The following SMURF2 variants were observed in gnomAD, a reference collection of about 807,000 sequenced individuals.
SMURF2 encodes SMAD specific E3 ubiquitin protein ligase 2.
A neutral mutation model predicts 109.6 loss-of-function variants in SMURF2; 48 were observed. That is an observed-to-expected ratio of 0.44 (90% CI 0.35 to 0.56). The LOEUF is 0.56. Ranked by LOEUF, SMURF2 falls within the 20% of genes least tolerant of loss-of-function variation. The pLI is 0.01. For synonymous variants in SMURF2, 288 were observed against 317.1 expected, an observed-to-expected ratio of 0.91 and a Z score of 0.97; for missense variants, 575 against 909.0, an observed-to-expected ratio of 0.63 and a Z score of 4.72.
chr17:64,581,081 C>T lies in SMURF2; in HGVS notation c.570-90G>A. On this transcript the variant is annotated intron_variant, in intron 7 of 18. Transcript: ENST00000262435. This position sits in a 1 kb window ranked among gnomAD's most constrained non-coding sequence, Gnocchi z 4.3. ...AATATATATATACTGCAGTAACAACCACTTATCATGTCTGAAAACAGAATG... is the reference window on the plus strand; with the variant it reads ...AATATATATATACTGCAGTAACAACTACTTATCATGTCTGAAAACAGAATG... 1 of 1,119,890 alleles carries T rather than the reference C, an allele frequency of 8.9e-7. No homozygotes were observed. 69.4% of individuals were successfully genotyped at this position (1,119,890 alleles called of 1,614,324 possible).
intron 2 of SMURF2, among the ~76,000 whole-genome samples, chr17:64,606,288 T>C (rs1969969387): frequency 6.6e-6 from 1 of 152,196 alleles, no homozygotes; most frequent in East Asian, 1.9e-4. Flanking sequence ...AATAATCTCT[T>C]AAACCTTTTC....
intron 3 of SMURF2, among the ~76,000 whole-genome samples, chr17:64,594,943 T>C (rs1193627132): frequency 2.0e-5 from 3 of 151,994 alleles, no homozygotes; most frequent in African/African-American, 4.8e-5. Context: ...TGAGCCTAGA[T>C]TGCGTCACTG....
chr17:64,633,556 A>G (rs1205774284), intron 1 of SMURF2, among the ~76,000 whole-genome samples: 1 of 152,224 alleles, frequency 6.6e-6, no homozygotes, highest in African/African-American at 2.4e-5. Flanking sequence ...TAACCATTAA[A>G]TATGTCATAT....
rs1198797941 is a variant in SMURF2, at chr17:64,581,873, A to AGGCAGAGGTTGCAGTG, written c.570-898_570-883dup. ...GGTACGAGAATTGCTTGAATCCAGG[A>AGGCAGAGGTTGCAGTG]GGCAGAGGTTGCAGTGGGCAGAGGT... On this transcript the variant is annotated intron_variant, in intron 7 of 18. Transcript: ENST00000262435. The surrounding 1 kb of genome is among the most constrained non-coding windows in gnomAD (Gnocchi z 4.3). Among the ~76,000 whole-genome samples, 2 of 151,732 alleles carry AGGCAGAGGTTGCAGTG rather than the reference A, an allele frequency of 1.3e-5. No homozygotes were observed. Among genetic ancestry groups the AGGCAGAGGTTGCAGTG allele is most frequent in the African/African-American group, 4.8e-5 (2 of 41,268 alleles).
chr17:64,589,851 C>T (rs1322603432), intron 5 of SMURF2, among the ~76,000 whole-genome samples: 3 of 151,994 alleles, frequency 2.0e-5, no homozygotes, highest in African/African-American at 7.3e-5. Context: ...CTTGAATCAT[C>T]CTGAAACCAC....
intron 2 of SMURF2, among the ~76,000 whole-genome samples, chr17:64,599,805 G>T (rs1464762127): frequency 1.3e-5 from 2 of 152,166 alleles, no homozygotes; most frequent in Non-Finnish European, 1.5e-5. Flanking sequence ...GAAGGTTGGG[G>T]GCTGCTGCTT....
intron 1 of SMURF2, among the ~76,000 whole-genome samples, chr17:64,650,716 G>C (rs1445576217): frequency 6.6e-6 from 1 of 152,080 alleles, no homozygotes; most frequent in Non-Finnish European, 1.5e-5. Context: ...TGTAATCCCA[G>C]CTACTGGGGA....
intron 1 of SMURF2, among the ~76,000 whole-genome samples, chr17:64,648,927 T>TA (rs1267736950): frequency 6.6e-6 from 1 of 152,150 alleles, no homozygotes; most frequent in East Asian, 1.9e-4. Flanking sequence ...AGTTCAACTG[T>TA]AAAAAATCTC....
chr17:64,556,060 G>A (rs540152308), intron 13 of SMURF2, 62 bp from the exon 14 acceptor site: 8 of 1,240,716 alleles, frequency 6.4e-6, no homozygotes, highest in Non-Finnish European at 9.0e-6. Flanking sequence ...TAATAAAAAT[G>A]AAATATTTCA....
At chr17:64,627,264 G>A (rs1555691248) in intron 1 of SMURF2, among the ~76,000 whole-genome samples, 2 of 151,962 alleles carry the variant, frequency 1.3e-5, no homozygotes, top group African/African-American at 4.8e-5. Context: ...ACAGGCATGT[G>A]CCACCACGCC....
intron 1 of SMURF2, among the ~76,000 whole-genome samples, chr17:64,621,899 A>T (rs1165703635): frequency 7.1e-6 from 1 of 141,110 alleles, no homozygotes; most frequent in Non-Finnish European, 1.5e-5. Context: ...ATAAATAAAT[A>T]AATAAATAAT....
intron 1 of SMURF2, among the ~76,000 whole-genome samples, chr17:64,658,217 C>CGTG (rs1490434387): frequency 2.6e-5 from 4 of 151,996 alleles, no homozygotes; most frequent in African/African-American, 9.7e-5. Context: ...ACCAGCCAGG[C>CGTG]GTGGTGGTGG....
chr17:64,625,879 C>T (rs1598302288), intron 1 of SMURF2, among the ~76,000 whole-genome samples: 1 of 152,080 alleles, frequency 6.6e-6, no homozygotes, highest in Non-Finnish European at 1.5e-5. Flanking sequence ...TTAAGAAAAA[C>T]TATGTACTTA....
intron 10 of SMURF2, among the ~76,000 whole-genome samples, chr17:64,566,402 T>C (rs981120786): frequency 2.0e-5 from 3 of 151,746 alleles, no homozygotes; most frequent in Admixed American, 2.0e-4. Context: ...AATTTTTATA[T>C]ATTTTATGTA....
chr17:64,648,072 A>C (rs1970584161), intron 1 of SMURF2, among the ~76,000 whole-genome samples: 1 of 146,966 alleles, frequency 6.8e-6, no homozygotes, highest in Non-Finnish European at 1.5e-5. Flanking sequence ...AAAAAAAAAA[A>C]AAAAAAAAAA....
At chr17:64,610,428 TA>T (rs1415763353) in intron 1 of SMURF2, among the ~76,000 whole-genome samples, 9 of 152,052 alleles carry the variant, frequency 5.9e-5, no homozygotes, top group Non-Finnish European at 8.8e-5. Flanking sequence ...TATGCAGCCA[TA>T]AAAAAGGATG....
intron 6 of SMURF2, among the ~76,000 whole-genome samples, chr17:64,585,864 C>T (rs542031502): frequency 6.6e-6 from 1 of 152,204 alleles, no homozygotes; most frequent in African/African-American, 2.4e-5. Context: ...TCATTTGTCT[C>T]CTAGTCAAAA....
chr17:64,651,055 T>C (rs1555693448), intron 1 of SMURF2, among the ~76,000 whole-genome samples: 2 of 150,542 alleles, frequency 1.3e-5, no homozygotes, highest in African/African-American at 2.4e-5. Flanking sequence ...CTACTAAAAA[T>C]ACATGGTGGC....
chr17:64,626,268 AAAAAAAC>A (rs1568200773), intron 1 of SMURF2, among the ~76,000 whole-genome samples: 1 of 151,794 alleles, frequency 6.6e-6, no homozygotes, highest in African/African-American at 2.4e-5. Flanking sequence ...CAAAAAAAAA[AAAAAAAC>A]AAAAAACATA....
Sources: gnomAD v4.1 joint callset for allele counts (sites outside exome capture counted in the v4.1 genomes callset) on GRCh38, gnomAD v4.1.1 for gene constraint, Gnocchi (gnomAD v3.1) non-coding constraint, MANE v1.5 for transcripts, NCBI Gene and HGNC (gene_info 2026-07-23, HGNC 2026-07-21) for gene names.